The following C12orf76 variants were observed in gnomAD, a reference collection of about 807,000 sequenced individuals.
The protein encoded by C12orf76 is uncharacterized protein C12orf76.
Under a neutral mutation model 6.8 loss-of-function variants are expected in C12orf76, and 6 were observed. The ratio of observed to expected loss-of-function variants is 0.88; its 90% CI spans 0.48 to 1.73. The LOEUF (loss-of-function observed/expected upper bound fraction) is 1.73. Ranked by LOEUF, C12orf76 falls within the 40% of genes most tolerant of loss-of-function variation. C12orf76 has a pLI of 0.01. For synonymous variants in C12orf76, 56 were observed against 43.7 expected (o/e 1.28, Z -1.11); for missense variants, 99 against 98.2 (o/e 1.01, Z -0.03).
At chr12:110,059,702 T>G (rs1892737034) in intron 2 of C12orf76, among the ~76,000 whole-genome samples, 1 of 152,208 alleles carries the variant, frequency 6.6e-6, no homozygotes, top group African/African-American at 2.4e-5. Flanking sequence ...AAGAGGGGCT[T>G]GACAAACAAG....
chr12:110,052,508 C>T (rs1283942869), upstream of C12orf76, among the ~76,000 whole-genome samples: 1 of 152,168 alleles, frequency 6.6e-6, no homozygotes, highest in Non-Finnish European at 1.5e-5. Flanking sequence ...AGGAGCTACT[C>T]TTTATTGGGC....
At position 110,054,369 on chromosome 12, in the gene C12orf76, A is replaced by C. The variant is rs1423114924; in HGVS notation, n.664+2820T>G. On this transcript the variant is annotated intron_variant and non_coding_transcript_variant, in intron 4 of 4. Transcript: ENST00000309050. This position sits in a 1 kb window ranked among gnomAD's most constrained non-coding sequence, Gnocchi z 4.4. ...ATGAGATATTATTCAGCCATAAAAA[A>C]GGAACAGGGTACTCATACATGCTAT... is the stretch of plus-strand genomic sequence containing the variant. Among the ~76,000 whole-genome samples, 1 of 152,240 alleles carries C rather than the reference A, an allele frequency of 6.6e-6. No individual in the cohort carries two copies. Among genetic ancestry groups the C allele is most frequent in the Admixed American group, 6.5e-5 (1 of 15,282 alleles).
upstream of C12orf76, chr12:110,050,918 G>A (rs1892563339): frequency 3.0e-6 from 2 of 660,546 alleles, no homozygotes; most frequent in Non-Finnish European, 5.5e-6. Flanking sequence ...AACCACAGAA[G>A]GGACTATAGT....
In C12orf76 at chr12:110,063,776, G is replaced by A. The variant is rs114033838; in HGVS notation, n.380+2084C>T. Among the ~76,000 whole-genome samples the A allele has an allele frequency of 9.3e-3, 1,412 of 151,892 alleles. 32 individuals carry two copies. Among genetic ancestry groups the A allele is most frequent in the African/African-American group, 0.032 (1,339 of 41,420 alleles). ...CCAAGTATTAGCCAGGCATGATGAC[G>A]GGTGCCTATAATTCCAGCTACTTGG... On this transcript the variant is annotated intron_variant and non_coding_transcript_variant, in intron 2 of 4. Coordinates refer to the C12orf76 transcript ENST00000309050.
At chr12:110,048,545 CCT>C (rs1187372271), upstream of C12orf76, 20 of 1,371,556 alleles carry the variant, frequency 1.5e-5, 1 homozygote, top group Admixed American at 2.8e-4. Context: ...GCAAGCCCTG[CCT>C]CTGTCTCCTC....
upstream of C12orf76, among the ~76,000 whole-genome samples, chr12:110,052,790 G>A (rs1327154335): frequency 6.6e-6 from 1 of 152,212 alleles, no homozygotes; most frequent in Non-Finnish European, 1.5e-5. Flanking sequence ...AGCCCCAGCT[G>A]TTCTCCACCT....
intron 1 of C12orf76, among the ~76,000 whole-genome samples, chr12:110,047,687 GA>G (rs919643361): frequency 1.3e-5 from 2 of 149,818 alleles, no homozygotes; most frequent in South Asian, 2.1e-4. Flanking sequence ...TATTGTAAAA[GA>G]AAAAAAAAGG....
intron 1 of C12orf76, 92 bp downstream of exon 1, chr12:110,048,271 C>G: frequency 7.2e-7 from 1 of 1,387,190 alleles, no homozygotes. Flanking sequence ...CCCACTCTAT[C>G]CCCTGTCCGC....
upstream of C12orf76, among the ~76,000 whole-genome samples, chr12:110,070,102 T>A (rs1369579978): frequency 6.6e-6 from 1 of 150,888 alleles, no homozygotes; most frequent in Non-Finnish European, 1.5e-5. Flanking sequence ...TACAAAAAAA[T>A]TAGCTGGGCG....
At chr12:110,043,181 T>G (rs1005374270) in intron 1 of C12orf76, among the ~76,000 whole-genome samples, 1 of 151,608 alleles carries the variant, frequency 6.6e-6, no homozygotes, top group African/African-American at 2.4e-5. Flanking sequence ...ATAAGCCCAA[T>G]ACACTCAGTG....
chr12:110,055,033 A>G (rs1170592385), intron 4 of C12orf76, among the ~76,000 whole-genome samples: 1 of 152,174 alleles, frequency 6.6e-6, no homozygotes, highest in Non-Finnish European at 1.5e-5. Flanking sequence ...GCAGGGAGCA[A>G]AACTGGATTA....
chr12:110,043,418 T>C (rs1253610494), intron 1 of C12orf76, among the ~76,000 whole-genome samples: 2 of 152,044 alleles, frequency 1.3e-5, no homozygotes, highest in African/African-American at 2.4e-5. Context: ...GAGAATTGTT[T>C]GACTATAGGG....
upstream of C12orf76, chr12:110,048,531 C>T (rs1892514095): frequency 1.5e-6 from 2 of 1,378,496 alleles, no homozygotes; most frequent in African/African-American, 1.5e-5. Context: ...AGGCCACTTC[C>T]GTCGCAAGCC....
intron 4 of C12orf76, among the ~76,000 whole-genome samples, chr12:110,055,696 T>A (rs1218125186): frequency 6.6e-6 from 1 of 150,998 alleles, no homozygotes; most frequent in African/African-American, 2.4e-5. Context: ...GGGAATGGAG[T>A]TTTTAAGGAT....
At chr12:110,042,819 A>G (rs1892348644) in intron 1 of C12orf76, among the ~76,000 whole-genome samples, 1 of 152,040 alleles carries the variant, frequency 6.6e-6, no homozygotes, top group Admixed American at 6.6e-5. Context: ...GCACTTTGGG[A>G]GGCCTAGGTG....
chr12:110,043,468 A>G (rs980673386), intron 1 of C12orf76, among the ~76,000 whole-genome samples: 2 of 152,166 alleles, frequency 1.3e-5, no homozygotes, highest in Non-Finnish European at 2.9e-5. Context: ...CTTTAAAGCC[A>G]TTAATAAAAA....
chr12:110,055,316 C>G (rs578066915), intron 4 of C12orf76, among the ~76,000 whole-genome samples: 32 of 151,346 alleles, frequency 2.1e-4, no homozygotes, highest in African/African-American at 7.5e-4. Flanking sequence ...TGGGTTCAAG[C>G]AATTCTCCTG....
upstream of C12orf76, among the ~76,000 whole-genome samples, chr12:110,051,525 G>A (rs1027437966): frequency 6.6e-6 from 1 of 151,744 alleles, no homozygotes; most frequent in Non-Finnish European, 1.5e-5. Context: ...CCCCTAGGTT[G>A]AAGCGATTCT....
In C12orf76 at chr12:110,042,146, C is replaced by T. The variant is rs181702859; in HGVS notation, c.*228G>A. 3.5e-6 allele frequency: 2 copies of T among 565,036 alleles called. No homozygotes were observed. Among genetic ancestry groups the T allele is most frequent in the East Asian group, 5.7e-5 (2 of 35,016 alleles). 35.0% of individuals were successfully genotyped at this position (565,036 alleles called of 1,614,324 possible). A position where few individuals can be genotyped will look rare whatever the true frequency, so the allele number is the denominator to read the frequency against. ...TTTCAGGTCTTACTTTTAACAAGTA[C>T]AGTCAGAAACACTGAGAAGCGGACT... On this transcript the variant is annotated 3_prime_UTR_variant, in exon 2 of 2. Transcript: ENST00000615315.
Sources: allele counts gnomAD v4.1 joint callset (sites outside exome capture counted in the v4.1 genomes callset), GRCh38; gene constraint gnomAD v4.1.1; non-coding constraint Gnocchi (gnomAD v3.1); transcripts MANE v1.5; gene names NCBI Gene and HGNC (gene_info 2026-07-23, HGNC 2026-07-21).